ZBTB8OS: variants seen among roughly 807,000 people sequenced by gnomAD.
ZBTB8OS encodes the protein tRNA-splicing ligase-activating factor archease.
Under a neutral mutation model 29.3 loss-of-function variants are expected in ZBTB8OS, and 16 were observed. The ratio of observed to expected loss-of-function variants is 0.55; its 90% confidence interval spans 0.37 to 0.83. The LOEUF is 0.83. Ranked by LOEUF, ZBTB8OS falls within the 40% of genes least tolerant of loss-of-function variation. The probability of loss-of-function intolerance (pLI) is 0.00; values close to 1 mark genes in which losing one functional copy is unlikely to be tolerated. For missense variants in ZBTB8OS, 160 were observed against 196.9 expected (o/e 0.81, Z 1.12); for synonymous variants, 70 against 64.6 (o/e 1.08, Z -0.40).
At chr1:32,629,577 C>T (rs1420935508) in intron 5 of ZBTB8OS, among the ~76,000 whole-genome samples, 4 of 152,018 alleles carry the variant, frequency 2.6e-5, no homozygotes, top group Non-Finnish European at 5.9e-5. Flanking sequence ...CAAAAATATC[C>T]ATGATCTGTA....
In ZBTB8OS at chr1:32,621,925, T is replaced by C; in HGVS notation, c.441A>G (p.Thr147=). 1 of 1,587,270 alleles carries C rather than the reference T, an allele frequency of 6.3e-7. No individual in the cohort carries two copies. Among genetic ancestry groups the C allele is most frequent in the Non-Finnish European group, 8.5e-7 (1 of 1,174,908 alleles). Residue 147 remains threonine (T), a synonymous_variant, in exon 7 of 7, where the codon ACA becomes ACG. Transcript: ENST00000468695. ...HPQGTEVKAI[T]YSAMQVYNEE... Reference sequence around the variant, plus strand: ...CATTATAGACCTGCATTGCTGAATATGTTATTGCTTTGACTTCTGTTCCCT... The same window carrying C: ...CATTATAGACCTGCATTGCTGAATACGTTATTGCTTTGACTTCTGTTCCCT...
chr1:32,624,178 G>A (rs1377402033), intron 6 of ZBTB8OS, among the ~76,000 whole-genome samples: 3 of 152,052 alleles, frequency 2.0e-5, no homozygotes, highest in Admixed American at 6.6e-5. Flanking sequence ...ACCCAGTCTC[G>A]GGTATGTCTT....
At chr1:32,624,024 C>T (rs931602830) in intron 6 of ZBTB8OS, among the ~76,000 whole-genome samples, 1 of 152,094 alleles carries the variant, frequency 6.6e-6, no homozygotes, top group Admixed American at 6.6e-5. Flanking sequence ...GGGGCTTCCC[C>T]CTTCGCTCAG....
At position 32,621,449 on chromosome 1, in the gene ZBTB8OS, G is replaced by T. The variant is rs1205228269; in HGVS notation, c.*413C>A. On this transcript the variant is annotated 3_prime_UTR_variant, in exon 7 of 7. Coordinates refer to ENST00000468695, the MANE Select transcript of ZBTB8OS (RefSeq NM_178547.5). ...AATATATGTCTTAACCAACTTGGAA[G>T]AAAAACAAAATTCTGTGTGTGGAAA... 1.3e-5 allele frequency: 2 copies of T among 155,416 alleles called. No homozygotes were observed. Among genetic ancestry groups the T allele is most frequent in the Non-Finnish European group, 2.8e-5 (2 of 71,126 alleles). The allele number at this position is 155,416 out of a possible 1,614,324, so 9.6% of individuals were successfully genotyped here.
intron 6 of ZBTB8OS, among the ~76,000 whole-genome samples, chr1:32,626,579 C>T (rs941676951): frequency 2.6e-5 from 4 of 152,156 alleles, no homozygotes; most frequent in Admixed American, 6.5e-5. Context: ...AGACCAGTCT[C>T]GCTCTGTCAC....
chr1:32,642,319 C>T (rs1417420739), intron 1 of ZBTB8OS, among the ~76,000 whole-genome samples: 1 of 152,038 alleles, frequency 6.6e-6, no homozygotes, highest in African/African-American at 2.4e-5. Flanking sequence ...GCCTGGCCAA[C>T]GTGGTGAAAC....
At chr1:32,633,496 C>T in intron 4 of ZBTB8OS, 149 bp downstream of exon 4, 1 of 576,622 alleles carries the variant, frequency 1.7e-6, no homozygotes, top group East Asian at 3.1e-5. Context: ...CAGGAAGTGC[C>T]CGTGGTCATT....
chr1:32,632,571 C>T (rs77660764), intron 4 of ZBTB8OS, among the ~76,000 whole-genome samples: 1 of 152,010 alleles, frequency 6.6e-6, no homozygotes, highest in African/African-American at 2.4e-5. Flanking sequence ...TGTGCCACTG[C>T]GCCCAGATAA....
At chr1:32,650,643 C>G (rs531035304), upstream of ZBTB8OS, 2 of 1,576,874 alleles carry the variant, frequency 1.3e-6, no homozygotes, top group Admixed American at 1.8e-5. Context: ...GGACCACACT[C>G]CTTTCTCGGA....
At chr1:32,631,771 G>A in intron 5 of ZBTB8OS, 56 bp downstream of exon 5, 1 of 1,304,310 alleles carries the variant, frequency 7.7e-7, no homozygotes, top group African/African-American at 1.5e-5. Flanking sequence ...CTTGCTCATT[G>A]AATTCAATGA....
At chr1:32,634,671 A>T (rs1237361719) in intron 2 of ZBTB8OS, 97 bp downstream of exon 2, 20 of 1,510,980 alleles carry the variant, frequency 1.3e-5, no homozygotes, top group Non-Finnish European at 1.7e-5. Flanking sequence ...AGGAACCAAA[A>T]TGAGAGGAGA....
intron 1 of ZBTB8OS, among the ~76,000 whole-genome samples, chr1:32,641,273 T>G (rs902457713): frequency 6.0e-5 from 7 of 116,586 alleles, no homozygotes; most frequent in South Asian, 5.0e-4. Flanking sequence ...AAGTTTTTTT[T>G]TTTTTTTTTT....
At chr1:32,643,907 CTTG>C (rs914048517) in intron 1 of ZBTB8OS, among the ~76,000 whole-genome samples, 3 of 151,796 alleles carry the variant, frequency 2.0e-5, no homozygotes, top group Admixed American at 6.6e-5. Context: ...CCACCTTGGC[CTTG>C]TTGTACCCAA....
Position 32,621,398 on chromosome 1 carries a change from C to CA in ZBTB8OS, c.*463dup, listed in dbSNP as rs879079549. 0.022 allele frequency: 1,345 copies of CA among 60,200 alleles called. 31 individuals carry two copies. Among genetic ancestry groups the CA allele is most frequent in the East Asian group, 0.15 (336 of 2,226 alleles). The allele number at this position is 60,200 out of a possible 1,614,324, so 3.7% of individuals were successfully genotyped here. A position where few individuals can be genotyped will look rare whatever the true frequency, so the allele number is the denominator to read the frequency against. On this transcript the variant is annotated 3_prime_UTR_variant, in exon 7 of 7. Transcript: ENST00000468695. ...TGGGCTACAGAGCGAGACTCCGTCT[C>CA]AAAAAAAAAAAAAAAAAAGAAACAA...
intron 5 of ZBTB8OS, among the ~76,000 whole-genome samples, chr1:32,628,225 C>T (rs1323801281): frequency 6.6e-6 from 1 of 151,546 alleles, no homozygotes; most frequent in Non-Finnish European, 1.5e-5. Flanking sequence ...GGCGTGGTGG[C>T]GCATGTCTGT....
At position 32,650,500 on chromosome 1, in the gene ZBTB8OS, ATC is replaced by A. The variant is rs754641626; in HGVS notation, c.28_29del (p.Asp10LeufsTer5). MAQEEEDVR[D>X]YNLTEEQKAI... ...CCTTCTGTTCTTCAGTCAAATTGTAATCTCTAACATCTTCCTCTTCCTGCGCC... is the reference window on the plus strand; with the variant it reads ...CCTTCTGTTCTTCAGTCAAATTGTAATCTAACATCTTCCTCTTCCTGCGCC... On this transcript the variant is annotated frameshift_variant, in exon 1 of 7. Transcript: ENST00000468695. LOFTEE classifies it high-confidence loss of function. 1.9e-6 allele frequency: 3 copies of A among 1,614,028 alleles called. No individual in the cohort carries two copies. Among genetic ancestry groups the A allele is most frequent in the Non-Finnish European group, 2.5e-6 (3 of 1,179,994 alleles).
chr1:32,643,453 C>A (rs1402734591), intron 1 of ZBTB8OS, among the ~76,000 whole-genome samples: 1 of 151,792 alleles, frequency 6.6e-6, no homozygotes, highest in Non-Finnish European at 1.5e-5. Flanking sequence ...AGTACAGTGG[C>A]ACAATCATGG....
At chr1:32,638,113 A>G (rs1357286501) in intron 1 of ZBTB8OS, among the ~76,000 whole-genome samples, 1 of 152,136 alleles carries the variant, frequency 6.6e-6, no homozygotes, top group Non-Finnish European at 1.5e-5. Flanking sequence ...CTGGGATTAC[A>G]GGCCTGAGCC....
intron 1 of ZBTB8OS, among the ~76,000 whole-genome samples, chr1:32,646,704 G>A (rs550359338): frequency 6.6e-6 from 1 of 151,690 alleles, no homozygotes; most frequent in East Asian, 1.9e-4. Context: ...CAGTGGACAA[G>A]GCATTCCCTG....
Sources: allele counts gnomAD v4.1 joint callset (sites outside exome capture counted in the v4.1 genomes callset), GRCh38; gene constraint gnomAD v4.1.1; transcripts MANE v1.5; gene names NCBI Gene and HGNC (gene_info 2026-07-23, HGNC 2026-07-21).